ODF2: variants seen among roughly 807,000 people sequenced by gnomAD.
The protein encoded by ODF2 is outer dense fiber protein 2.
Under a neutral mutation model 110.2 loss-of-function variants are expected in ODF2, and 47 were observed. That is an observed-to-expected ratio of 0.43 (90% CI 0.34 to 0.54). The LOEUF (loss-of-function observed/expected upper bound fraction) is 0.54, where lower values mean the gene tolerates loss of function less well. ODF2 is among the 20% of genes least tolerant of loss of function. The probability of loss-of-function intolerance (pLI) is 0.03; values close to 1 mark genes in which losing one functional copy is unlikely to be tolerated. For missense variants in ODF2, 812 were observed against 1,054.5 expected (o/e 0.77, Z 3.19); for synonymous variants, 352 against 397.7 (o/e 0.89, Z 1.37).
chr9:128,460,848 A>T, intron 3 of ODF2, 94 bp from the exon 4 acceptor site: 1 of 1,565,332 alleles, frequency 6.4e-7, no homozygotes, highest in Non-Finnish European at 8.8e-7. Context: ...CATTAGTCAG[A>T]AGAGGCACTC....
chr9:128,467,744 CAA>C (rs5900797), intron 4 of ODF2, among the ~76,000 whole-genome samples: 7 of 117,846 alleles, frequency 5.9e-5, no homozygotes, highest in Non-Finnish European at 3.3e-5. Flanking sequence ...GACCCTGTCT[CAA>C]AAAAAAAAAA....
chr9:128,456,050 T>C, upstream of ODF2: 1 of 1,498,806 alleles, frequency 6.7e-7, no homozygotes, highest in Non-Finnish European at 8.9e-7. Context: ...TGGGCCTCGA[T>C]GGCGAAACCC....
intron 4 of ODF2, among the ~76,000 whole-genome samples, chr9:128,467,073 A>G (rs1291022043): frequency 8.5e-6 from 1 of 117,682 alleles, no homozygotes; most frequent in Non-Finnish European, 1.7e-5. Flanking sequence ...ATATCAATTA[A>G]CAATGGGGAT....
intron 4 of ODF2, among the ~76,000 whole-genome samples, chr9:128,468,316 A>G (rs1173504020): frequency 2.0e-5 from 3 of 152,118 alleles, no homozygotes; most frequent in East Asian, 1.9e-4. Flanking sequence ...ACTTTTGCCA[A>G]CTTTGGGTAT....
At chr9:128,468,651 T>C (rs1329698676) in intron 4 of ODF2, among the ~76,000 whole-genome samples, 1 of 152,152 alleles carries the variant, frequency 6.6e-6, no homozygotes, top group African/African-American at 2.4e-5. Flanking sequence ...GCCTCCTGAA[T>C]AGCTGAGATT....
At chr9:128,489,407 T>C (rs1161549281) in intron 14 of ODF2, among the ~76,000 whole-genome samples, 4 of 152,224 alleles carry the variant, frequency 2.6e-5, no homozygotes, top group Non-Finnish European at 5.9e-5. Context: ...CCTAGTGACC[T>C]TTCTTGTTAC....
chr9:128,480,080 G>A (rs1842122422), intron 8 of ODF2, among the ~76,000 whole-genome samples: 1 of 152,096 alleles, frequency 6.6e-6, no homozygotes. Flanking sequence ...TATGATCCAT[G>A]ATTACAACAT....
intron 6 of ODF2, 147 bp from the exon 7 acceptor site, chr9:128,472,766 C>G (rs1192778737): frequency 8.0e-7 from 1 of 1,246,798 alleles, no homozygotes; most frequent in Admixed American, 2.5e-5. Context: ...TTTCTGAAGG[C>G]CACCCAGGCC....
chr9:128,498,683 A>G (rs536713665), intron 19 of ODF2, 108 bp downstream of exon 19: 20 of 676,622 alleles, frequency 3.0e-5, no homozygotes, highest in Non-Finnish European at 4.6e-5. Flanking sequence ...TACCCGCTTC[A>G]TGAATTAGTT....
chr9:128,455,365 C>T (rs1262031990), upstream of ODF2: 1 of 604,620 alleles, frequency 1.7e-6, no homozygotes, highest in East Asian at 3.2e-5. Flanking sequence ...TCCTGCCCAA[C>T]ACGGTGAAAC....
intron 8 of ODF2, among the ~76,000 whole-genome samples, chr9:128,475,965 C>T (rs1281798802): frequency 2.6e-5 from 4 of 151,816 alleles, no homozygotes; most frequent in Non-Finnish European, 5.9e-5. Context: ...CTTTAGGTTC[C>T]ACATATAAAT....
intron 17 of ODF2, among the ~76,000 whole-genome samples, chr9:128,495,053 T>C (rs1845348605): frequency 6.6e-6 from 1 of 152,188 alleles, no homozygotes; most frequent in Non-Finnish European, 1.5e-5. Context: ...CCTGACTCTT[T>C]AACAGATGCA....
chr9:128,481,659 A>G lies in ODF2; in HGVS notation c.915+8A>G. The G allele has an allele frequency of 6.2e-7, 1 of 1,612,580 alleles. No homozygotes were observed. The highest frequency in any genetic ancestry group is 8.5e-7 in the Non-Finnish European group (1 of 1,178,826). On this transcript the variant is annotated splice_region_variant and intron_variant, in intron 9 of 20. Coordinates refer to ENST00000604420, the Ensembl canonical transcript of ODF2. ...GCCGACTCAGAGAAAGCGGTAACTA[A>G]GGCTGCCCTTGTCTACTCTAGTGGG...
intron 2 of ODF2, among the ~76,000 whole-genome samples, chr9:128,458,575 T>G (rs1292678951): frequency 6.6e-6 from 1 of 151,168 alleles, no homozygotes; most frequent in African/African-American, 2.4e-5. Flanking sequence ...AATAGACTTT[T>G]GCTCTCTCTC....
intron 14 of ODF2, among the ~76,000 whole-genome samples, chr9:128,489,901 A>G (rs137964365): frequency 2.2e-3 from 338 of 152,364 alleles, no homozygotes; most frequent in South Asian, 3.7e-3. Flanking sequence ...GAGTAAAAGG[A>G]TAACAGTTGC....
chr9:128,455,553 CAAAAAAAAAAAAAAAAAAAAAA>C (rs55634490), upstream of ODF2, among the ~76,000 whole-genome samples: 30 of 56,846 alleles, frequency 5.3e-4, no homozygotes, highest in African/African-American at 7.0e-4. Context: ...GAATCTGTCT[CAAAAAAAAAAAAAAAAAAAAAA>C]AAAAAAAAAA....
intron 9 of ODF2, among the ~76,000 whole-genome samples, chr9:128,482,231 C>T (rs1052313959): frequency 2.6e-5 from 4 of 152,188 alleles, no homozygotes; most frequent in Non-Finnish European, 4.4e-5. Flanking sequence ...GGGAGGGAGA[C>T]GGAGGCCCAG....
intron 5 of ODF2, 100 bp from the exon 6 acceptor site, chr9:128,471,208 C>A: frequency 7.8e-7 from 1 of 1,282,796 alleles, no homozygotes; most frequent in African/African-American, 1.5e-5. Flanking sequence ...GCCACCACGC[C>A]CGGCCGGGGC....
chr9:128,496,328 T>C (rs749596957), intron 18 of ODF2, 187 bp downstream of exon 18: 9 of 1,461,464 alleles, frequency 6.2e-6, no homozygotes, highest in Non-Finnish European at 7.3e-6. Context: ...CAAGGGGGCC[T>C]CTCAGCCTGG....
Sources: allele counts gnomAD v4.1 joint callset (sites outside exome capture counted in the v4.1 genomes callset), GRCh38; gene constraint gnomAD v4.1.1; transcripts MANE v1.5; gene names NCBI Gene and HGNC (gene_info 2026-07-23, HGNC 2026-07-21).